The following LDHAL6A variants were observed in gnomAD, a reference collection of about 807,000 sequenced individuals.
LDHAL6A encodes the protein lactate dehydrogenase A like 6A, also known as L-lactate dehydrogenase A-like 6A.
In LDHAL6A, 19 loss-of-function variants were observed where a neutral mutation model predicts 28.2. The ratio of observed to expected loss-of-function variants is 0.67; its 90% CI spans 0.47 to 0.99. The LOEUF (loss-of-function observed/expected upper bound fraction) is 0.99, where lower values mean the gene tolerates loss of function less well. Ranked by LOEUF, LDHAL6A falls within the 50% of genes least tolerant of loss-of-function variation. LDHAL6A has a pLI of 0.00. For missense variants in LDHAL6A, 372 were observed against 398.6 expected (o/e 0.93, Z 0.57); for synonymous variants, 144 against 134.4 (o/e 1.07, Z -0.49).
intron 3 of LDHAL6A, among the ~76,000 whole-genome samples, chr11:18,467,910 TATATATATACACACAC>T (rs1849123395): frequency 5.6e-5 from 4 of 71,582 alleles, no homozygotes; most frequent in Non-Finnish European, 7.2e-5. Flanking sequence ...TATATATATA[TATATATATACACACAC>T]ATATATATAT....
intron 3 of LDHAL6A, 28 bp downstream of exon 3, chr11:18,465,838 C>T (rs1045241208): frequency 6.3e-7 from 1 of 1,578,216 alleles, no homozygotes; most frequent in Non-Finnish European, 8.7e-7. Flanking sequence ...AAATTTTCAA[C>T]TTTTAGATTC....
chr11:18,474,573 G>C (rs982253234), intron 3 of LDHAL6A, among the ~76,000 whole-genome samples: 1 of 152,104 alleles, frequency 6.6e-6, no homozygotes. Flanking sequence ...TTTTAATAGA[G>C]ACGGGGTTTC....
Position 18,456,577 on chromosome 11 carries a change from T to G in LDHAL6A, c.-104T>G. 2 of 1,002,804 alleles carry G rather than the reference T, an allele frequency of 2.0e-6. No individual in the cohort carries two copies. Among genetic ancestry groups the G allele is most frequent in the Admixed American group, 2.4e-5 (1 of 42,522 alleles). The allele number at this position is 1,002,804 out of a possible 1,614,324, so 62.1% of individuals were successfully genotyped here. A position where few individuals can be genotyped will look rare whatever the true frequency, so the allele number is the denominator to read the frequency against. ...ACCTCCTTCCACACGGGCCCAGGAGTTCTCTATACGCGCTCTCACCGCAGG... is the reference window on the plus strand; with the variant it reads ...ACCTCCTTCCACACGGGCCCAGGAGGTCTCTATACGCGCTCTCACCGCAGG... On this transcript the variant is annotated 5_prime_UTR_variant, in exon 1 of 7. Transcript: ENST00000280706.
intron 2 of LDHAL6A, among the ~76,000 whole-genome samples, chr11:18,464,977 G>GTTTTTGTTTTTTTTTT (rs1849014791): frequency 8.0e-6 from 1 of 125,490 alleles, no homozygotes; most frequent in Non-Finnish European, 1.6e-5. Flanking sequence ...TGTTTTTTTT[G>GTTTTTGTTTTTTTTTT]TTTTTTTTTG....
intron 4 of LDHAL6A, among the ~76,000 whole-genome samples, chr11:18,475,984 AGGGATGG>A (rs1849369290): frequency 1.1e-5 from 1 of 93,682 alleles, no homozygotes; most frequent in Non-Finnish European, 2.3e-5. Context: ...CTTCAGATTA[AGGGATGG>A]GTATAACTGA....
intron 1 of LDHAL6A, among the ~76,000 whole-genome samples, chr11:18,463,335 T>C (rs73440653): frequency 1.5e-3 from 222 of 152,288 alleles, no homozygotes; most frequent in African/African-American, 5.1e-3. Context: ...TGCCATGTGA[T>C]GCCCTGTGCT....
intron 3 of LDHAL6A, among the ~76,000 whole-genome samples, chr11:18,471,806 T>TTCATA (rs1849264069): frequency 6.7e-6 from 1 of 148,660 alleles, no homozygotes; most frequent in South Asian, 2.1e-4. Flanking sequence ...AACAAAAATC[T>TTCATA]ACCCAGAATG....
At chr11:18,467,130 T>C (rs1017367984) in intron 3 of LDHAL6A, among the ~76,000 whole-genome samples, 1 of 152,212 alleles carries the variant, frequency 6.6e-6, no homozygotes, top group African/African-American at 2.4e-5. Flanking sequence ...CTTAGTAGTT[T>C]AGGGATATTC....
chr11:18,474,504 A>G (rs1317766212), intron 3 of LDHAL6A, among the ~76,000 whole-genome samples: 2 of 152,052 alleles, frequency 1.3e-5, no homozygotes, highest in Non-Finnish European at 2.9e-5. Flanking sequence ...CTCCTGCCTC[A>G]GTCTCCCAAA....
chr11:18,466,651 C>CAA (rs67371371), intron 3 of LDHAL6A, among the ~76,000 whole-genome samples: 11,518 of 79,062 alleles, frequency 0.15, 829 homozygotes, highest in East Asian at 0.42. Context: ...GACCCTGTCT[C>CAA]AAAAAAAAAA....
chr11:18,464,968 G>GTTTTTTTTTTT (rs1565068644), intron 2 of LDHAL6A, among the ~76,000 whole-genome samples: 38 of 3,772 alleles, frequency 0.01, 1 homozygote, highest in African/African-American at 0.016. Context: ...GAGGTGAGGT[G>GTTTTTTTTTTT]TTTTTTTTGT....
intron 6 of LDHAL6A, 61 bp from the exon 7 acceptor site, chr11:18,478,642 CTGT>C (rs956505394): frequency 3.1e-6 from 4 of 1,276,218 alleles, no homozygotes; most frequent in Admixed American, 1.8e-5. Context: ...CACCTCCCAA[CTGT>C]TGTTTCTCAT....
rs1824776993 is a variant in LDHAL6A, at chr11:18,462,428, G to A, written c.127-1533G>A. ...AGAGGCGGGCGGATCACTAGGTCAG[G>A]AGATCAAGACCATCCTGGCTAACAC... On this transcript the variant is annotated intron_variant, in intron 1 of 6. Coordinates refer to ENST00000280706, the MANE Select transcript of LDHAL6A (RefSeq NM_144972.5). Among the ~76,000 whole-genome samples, 3 of 151,632 alleles carry A rather than the reference G, an allele frequency of 2.0e-5. No individual in the cohort carries two copies. In the South Asian group the frequency reaches 6.2e-4, roughly 32 times the overall value.
At chr11:18,464,977 G>GTTTGTTTTTT (rs1849013732) in intron 2 of LDHAL6A, among the ~76,000 whole-genome samples, 31 of 125,550 alleles carry the variant, frequency 2.5e-4, no homozygotes, top group African/African-American at 8.4e-4. Context: ...TGTTTTTTTT[G>GTTTGTTTTTT]TTTTTTTTTG....
In LDHAL6A at chr11:18,476,490, A is replaced by T; in HGVS notation, c.699A>T (p.Lys233Asn). 1.2e-6 allele frequency: 2 copies of T among 1,613,862 alleles called. No homozygotes were observed. The highest frequency in any genetic ancestry group is 1.7e-6 in the Non-Finnish European group (2 of 1,179,914). ...DPEQWENVHK[K>N]VISSGYEMVK... ...AGCAGTGGGAAAATGTCCACAAAAA[A>T]GTGATTTCCAGGTAATATGCTAGTT... Residue 233 changes from lysine (K) to asparagine (N), a missense_variant, in exon 5 of 7, where the codon AAA becomes AAT. By Grantham distance (94) the Lys-to-Asn change is moderately conservative. This residue lies in a region of LDHAL6A where 291 missense variants were observed against 302.9 expected (regional missense o/e 0.96). Coordinates refer to ENST00000280706, the MANE Select transcript of LDHAL6A (RefSeq NM_144972.5).
rs556502907 is a variant in LDHAL6A, at chr11:18,462,392, C to T, written c.127-1569C>T. Among the ~76,000 whole-genome samples the T allele has an allele frequency of 6.6e-5, 10 of 151,930 alleles. No homozygotes were observed. In the East Asian group the frequency reaches 1.9e-3, roughly 29 times the overall value. The stretch of plus-strand genomic sequence containing the variant: ...GTGTCTCATGCCTGTAATCCCAGCA[C>T]TTTGGGAGGCAGAGGCGGGCGGATC... On this transcript the variant is annotated intron_variant, in intron 1 of 6. Transcript: ENST00000280706.
intron 1 of LDHAL6A, among the ~76,000 whole-genome samples, chr11:18,459,654 G>T (rs1848847713): frequency 6.6e-6 from 1 of 152,084 alleles, no homozygotes; most frequent in South Asian, 2.1e-4. Flanking sequence ...TGAAAGAATG[G>T]ATATTGACAT....
At chr11:18,457,748 G>A (rs1283181592) in intron 1 of LDHAL6A, among the ~76,000 whole-genome samples, 1 of 152,072 alleles carries the variant, frequency 6.6e-6, no homozygotes, top group East Asian at 1.9e-4. Flanking sequence ...TATTGCCCAG[G>A]CTGCTCTCAA....
chr11:18,458,441 TCC>T (rs894775427), intron 1 of LDHAL6A, among the ~76,000 whole-genome samples: 2 of 152,202 alleles, frequency 1.3e-5, no homozygotes, highest in African/African-American at 2.4e-5. Context: ...AGCAGAGCCT[TCC>T]CAGTCACCTC....
Sources: allele counts gnomAD v4.1 joint callset (sites outside exome capture counted in the v4.1 genomes callset), GRCh38; gene constraint gnomAD v4.1.1; regional missense constraint gnomAD v4.1.1; transcripts MANE v1.5; gene names NCBI Gene and HGNC (gene_info 2026-07-23, HGNC 2026-07-21).